The following PRELID3A variants were observed in gnomAD, a reference collection of about 807,000 sequenced individuals.
PRELID3A encodes PRELI domain containing protein 3A.
PRELID3A carries 27 observed loss-of-function variants against 23.0 expected under a neutral mutation model. That is an observed-to-expected ratio of 1.17 (90% CI 0.87 to 1.62). The LOEUF is 1.62. Ranked by LOEUF, PRELID3A falls within the 40% of genes most tolerant of loss-of-function variation. The probability of loss-of-function intolerance (pLI) is 0.00; values close to 1 mark genes in which losing one functional copy is unlikely to be tolerated. For synonymous variants in PRELID3A, 87 were observed against 86.4 expected (o/e 1.01, Z -0.04); for missense variants, 231 against 231.4 (o/e 1.00, Z 0.01).
At chr18:12,421,245 C>T (rs994575869) in intron 2 of PRELID3A, 3 of 387,574 alleles carry the variant, frequency 7.7e-6, no homozygotes, top group Non-Finnish European at 1.4e-5. Context: ...GGGGCTCTGC[C>T]CAGACTCCGC....
intron 1 of PRELID3A, among the ~76,000 whole-genome samples, chr18:12,419,573 G>A (rs2143353793): frequency 6.6e-6 from 1 of 151,978 alleles, no homozygotes; most frequent in East Asian, 1.9e-4. Flanking sequence ...AGGTTGCAGT[G>A]AGCTGAGATC....
chr18:12,413,195 A>T (rs892142767), intron 1 of PRELID3A, among the ~76,000 whole-genome samples: 1 of 152,156 alleles, frequency 6.6e-6, no homozygotes, highest in Non-Finnish European at 1.5e-5. Context: ...AGAGTATTGA[A>T]CTCTGAGGCC....
chr18:12,411,757 T>C (rs1909919434), intron 1 of PRELID3A, among the ~76,000 whole-genome samples: 1 of 152,142 alleles, frequency 6.6e-6, no homozygotes, highest in Non-Finnish European at 1.5e-5. Flanking sequence ...TGAAGCCTGC[T>C]CTTCCCCTCC....
In PRELID3A at chr18:12,430,560, AGTGT is replaced by A. The variant is rs371287494; in HGVS notation, c.*34-582_*34-579del. 2.5e-5 allele frequency among the ~76,000 whole-genome samples: 3 copies of A among 119,566 alleles called. No individual in the cohort carries two copies. The East Asian group carries it at 7.8e-4, about 31-fold the overall frequency. 78.4% of individuals were successfully genotyped at this position (119,566 alleles called of 152,430 possible). The stretch of plus-strand genomic sequence containing the variant: ...ATGTGTATATGTGTGTGGTATGTGG[AGTGT>A]GTGTGTGACATGTGTGCTGTGTGAT... On this transcript the variant is annotated intron_variant, in intron 6 of 6. Coordinates refer to ENST00000440960, the MANE Select transcript of PRELID3A (RefSeq NM_001142405.2).
intron 6 of PRELID3A, among the ~76,000 whole-genome samples, 156 bp from the exon 7 acceptor site, chr18:12,430,994 G>A (rs929884205): frequency 2.0e-5 from 3 of 151,118 alleles, no homozygotes; most frequent in Non-Finnish European, 4.4e-5. Flanking sequence ...TGTGTAATGT[G>A]TATGTGTGAT....
In PRELID3A at chr18:12,427,151, G is replaced by A. The variant is rs147046872; in HGVS notation, c.362+40G>A. On this transcript the variant is annotated intron_variant, in intron 4 of 6. Transcript: ENST00000440960. The stretch of plus-strand genomic sequence containing the variant: ...GTGGGATTGACACATTGAATGCCAC[G>A]GGTGAGGGCAGGGCAGACCCTCCTC... 41 of 1,599,264 alleles carry A rather than the reference G, an allele frequency of 2.6e-5. No individual in the cohort carries two copies. In the Admixed American group the frequency reaches 3.8e-4, roughly 15 times the overall value.
chr18:12,430,847 T>C (rs1236259104), intron 6 of PRELID3A, among the ~76,000 whole-genome samples: 2 of 149,946 alleles, frequency 1.3e-5, no homozygotes, highest in African/African-American at 4.9e-5. Context: ...TGGGTGCATG[T>C]GTGTGAGGTG....
At chr18:12,413,355 A>G (rs1172448643) in intron 1 of PRELID3A, among the ~76,000 whole-genome samples, 1 of 152,110 alleles carries the variant, frequency 6.6e-6, no homozygotes, top group Non-Finnish European at 1.5e-5. Context: ...AGGCAGGAGG[A>G]TTGCTTGACC....
At chr18:12,411,306 A>G (rs535744073) in intron 1 of PRELID3A, among the ~76,000 whole-genome samples, 3 of 151,772 alleles carry the variant, frequency 2.0e-5, no homozygotes, top group Non-Finnish European at 4.4e-5. Flanking sequence ...AAAAATAAAA[A>G]AAAAAAAAAA....
At chr18:12,408,156 C>T in intron 1 of PRELID3A, 149 bp downstream of exon 1, 1 of 694,668 alleles carries the variant, frequency 1.4e-6, no homozygotes, top group Non-Finnish European at 2.0e-6. Context: ...ACCGCAACTT[C>T]GGCGTCCCGG....
At chr18:12,410,082 G>C (rs1909860075) in intron 1 of PRELID3A, among the ~76,000 whole-genome samples, 1 of 152,168 alleles carries the variant, frequency 6.6e-6, no homozygotes, top group Non-Finnish European at 1.5e-5. Context: ...GCATGTAAAT[G>C]TCATCCTGCA....
intron 5 of PRELID3A, among the ~76,000 whole-genome samples, chr18:12,427,990 C>T (rs1479516550): frequency 2.0e-5 from 3 of 152,194 alleles, no homozygotes; most frequent in African/African-American, 4.8e-5. Flanking sequence ...ATCAGAAATA[C>T]AAGGTGTTAA....
intron 2 of PRELID3A, 167 bp from the exon 3 acceptor site, chr18:12,421,373 C>A: frequency 1.7e-6 from 1 of 596,188 alleles, no homozygotes; most frequent in Non-Finnish European, 3.0e-6. Flanking sequence ...GGCTCACCTG[C>A]TGGAGCGGAA....
At chr18:12,421,437 A>G (rs1285113824) in intron 2 of PRELID3A, 103 bp from the exon 3 acceptor site, 5 of 775,650 alleles carry the variant, frequency 6.4e-6, no homozygotes, top group Non-Finnish European at 1.1e-5. Flanking sequence ...CCATGATATC[A>G]TTTCTTGAAT....
intron 5 of PRELID3A, among the ~76,000 whole-genome samples, chr18:12,429,138 A>G (rs2030475608): frequency 6.6e-6 from 1 of 152,136 alleles, no homozygotes; most frequent in Non-Finnish European, 1.5e-5. Context: ...TGGTTTGCTA[A>G]CACAGCAGTG....
chr18:12,417,145 T>G (rs1219746176), intron 1 of PRELID3A, among the ~76,000 whole-genome samples: 1 of 152,216 alleles, frequency 6.6e-6, no homozygotes, highest in Non-Finnish European at 1.5e-5. Context: ...TTAGTTTAAA[T>G]CATCAGCCAG....
chr18:12,418,476 G>A (rs1203137797), intron 1 of PRELID3A, among the ~76,000 whole-genome samples: 3 of 152,234 alleles, frequency 2.0e-5, no homozygotes, highest in African/African-American at 7.2e-5. Flanking sequence ...GTGTGTGCAT[G>A]TGCATGTATG....
At chr18:12,414,614 T>C (rs1161097009) in intron 1 of PRELID3A, among the ~76,000 whole-genome samples, 1 of 152,102 alleles carries the variant, frequency 6.6e-6, no homozygotes, top group African/African-American at 2.4e-5. Flanking sequence ...TAGTCCTAGC[T>C]ACTCGGGAAG....
chr18:12,415,545 CTG>C (rs1400211778), intron 1 of PRELID3A, among the ~76,000 whole-genome samples: 1 of 152,210 alleles, frequency 6.6e-6, no homozygotes. Flanking sequence ...GCATGAGCCA[CTG>C]TGCCTGGCCT....
Sources: allele counts gnomAD v4.1 joint callset (sites outside exome capture counted in the v4.1 genomes callset), GRCh38; gene constraint gnomAD v4.1.1; transcripts MANE v1.5; gene names NCBI Gene and HGNC (gene_info 2026-07-23, HGNC 2026-07-21).